The following KIF24 variants were observed in gnomAD, a reference collection of about 807,000 sequenced individuals.
KIF24 encodes kinesin family member 24, also known as kinesin-like protein KIF24.
A neutral mutation model predicts 118.9 loss-of-function variants in KIF24; 81 were observed. The observed-to-expected ratio is 0.68, with a 90% CI of 0.57 to 0.82. The LOEUF is 0.82. Among genes scored for constraint, KIF24 ranks in the 40% least tolerant of loss-of-function variants. KIF24 has a pLI of 0.00. For synonymous variants in KIF24, 599 were observed against 610.0 expected (o/e 0.98, Z 0.27); for missense variants, 1,560 against 1,661.6 (o/e 0.94, Z 1.06).
chr9:34,331,726 GAAGA>G (rs1302813567), upstream of KIF24, among the ~76,000 whole-genome samples: 1 of 152,204 alleles, frequency 6.6e-6, no homozygotes, highest in Admixed American at 6.5e-5. Flanking sequence ...CTTGGGAAAT[GAAGA>G]GATAGGATGA....
chr9:34,297,558 C>G (rs574702856), intron 3 of KIF24, among the ~76,000 whole-genome samples: 1 of 152,032 alleles, frequency 6.6e-6, no homozygotes, highest in South Asian at 2.1e-4. Flanking sequence ...GTCAGGAGAT[C>G]GAGACCATCC....
intron 6 of KIF24, among the ~76,000 whole-genome samples, chr9:34,283,109 G>A (rs1272410624): frequency 1.4e-5 from 2 of 144,106 alleles, no homozygotes; most frequent in Admixed American, 1.4e-4. Flanking sequence ...GCTCATGCCT[G>A]TAATCCCAGC....
chr9:34,281,003 T>C (rs1231549366), intron 6 of KIF24, among the ~76,000 whole-genome samples: 2 of 152,180 alleles, frequency 1.3e-5, no homozygotes, highest in Non-Finnish European at 2.9e-5. Flanking sequence ...TATCAATGTA[T>C]TAATTCATTC....
Position 34,259,674 on chromosome 9 carries a change from T to C in KIF24, c.1547A>G (p.Lys516Arg). Residue 516 changes from lysine (K) to arginine (R), a missense_variant, in exon 10 of 13, where the codon AAA becomes AGA. By Grantham distance (26) the Lys-to-Arg change is conservative. Around this residue, in one of 3 missense-constraint regions of KIF24, gnomAD observed 964 missense variants for 988.0 expected, o/e 0.98. Coordinates refer to ENST00000402558, the MANE Select transcript of KIF24 (RefSeq NM_194313.4). The stretch of plus-strand genomic sequence containing the variant: ...TGAGATGTTGGCGATCATGCAGGTT[T>C]TGGCATTGCCGATGAAAGAGTCCTT... ...VLKDSFIGNAKTCMIANISPS... is the reference protein window; with the variant it reads ...VLKDSFIGNARTCMIANISPS... The C allele has an allele frequency of 6.2e-7, 1 of 1,613,952 alleles. No homozygotes were observed. Among genetic ancestry groups the C allele is most frequent in the Non-Finnish European group, 8.5e-7 (1 of 1,179,846 alleles).
chr9:34,257,574 T>C lies in KIF24; in HGVS notation c.2033A>G (p.Lys678Arg), dbSNP rs780829543. 1.5e-5 allele frequency: 24 copies of C among 1,613,990 alleles called. No homozygotes were observed. Among genetic ancestry groups the C allele is most frequent in the Middle Eastern group, 1.6e-4 (1 of 6,084 alleles). Residue 678 changes from lysine (K) to arginine (R), a missense_variant, in exon 11 of 13, where the codon AAA becomes AGA. By Grantham distance (26) the Lys-to-Arg change is conservative. Coordinates refer to ENST00000402558, the MANE Select transcript of KIF24 (RefSeq NM_194313.4). ...CCTGCTTTCCCACCCAAGGACAGTT[T>C]TGTTGCCCATTCGATTTTTCTCAGA... ...LCSEKNRMGN[K>R]TVLGWESRAS... is the part of the protein sequence containing the mutation.
At chr9:34,272,569 T>C (rs17350261) in intron 6 of KIF24, among the ~76,000 whole-genome samples, 6,234 of 152,210 alleles carry the variant, frequency 0.041, 169 homozygotes, top group Middle Eastern at 0.075. Context: ...TTTAAGAACA[T>C]GCTGCCCTTA....
chr9:34,265,586 G>C (rs1008002024), intron 8 of KIF24, among the ~76,000 whole-genome samples: 1 of 152,132 alleles, frequency 6.6e-6, no homozygotes, highest in Admixed American at 6.5e-5. Context: ...TAAACACACA[G>C]AGAAGAATTA....
chr9:34,293,183 T>A (rs1365698183), intron 4 of KIF24, among the ~76,000 whole-genome samples: 7 of 151,788 alleles, frequency 4.6e-5, no homozygotes, highest in Non-Finnish European at 8.8e-5. Context: ...AAATGGTCAG[T>A]AAGGACATGA....
intron 6 of KIF24, among the ~76,000 whole-genome samples, chr9:34,282,301 T>G (rs1342495577): frequency 6.6e-6 from 1 of 152,188 alleles, no homozygotes; most frequent in Non-Finnish European, 1.5e-5. Flanking sequence ...TGTATAATTC[T>G]GTTTATATGA....
chr9:34,254,363 C>T lies in KIF24; in HGVS notation c.*17G>A, dbSNP rs200498151. 6.2e-6 allele frequency: 10 copies of T among 1,603,874 alleles called. No individual in the cohort carries two copies. Among genetic ancestry groups the T allele is most frequent in the Middle Eastern group, 2.0e-4 (1 of 5,116 alleles). On this transcript the variant is annotated 3_prime_UTR_variant, in exon 13 of 13. Coordinates refer to ENST00000402558, the MANE Select transcript of KIF24 (RefSeq NM_194313.4). ...GACTCCTGCAGGGCCCCCACCATCTCGGCACAGGGTCTGGCTCTAAGACGG... is the reference window on the plus strand; with the variant it reads ...GACTCCTGCAGGGCCCCCACCATCTTGGCACAGGGTCTGGCTCTAAGACGG...
At chr9:34,291,281 T>A (rs968835485) in intron 4 of KIF24, among the ~76,000 whole-genome samples, 1 of 151,920 alleles carries the variant, frequency 6.6e-6, no homozygotes, top group African/African-American at 2.4e-5. Flanking sequence ...CACTGTGGAA[T>A]AGGAATAGCG....
intron 6 of KIF24, among the ~76,000 whole-genome samples, chr9:34,275,023 G>T (rs1835607149): frequency 6.6e-6 from 1 of 152,110 alleles, no homozygotes; most frequent in African/African-American, 2.4e-5. Flanking sequence ...ATGTAGGGGT[G>T]GTTAATAGGT....
chr9:34,304,889 A>G (rs1207158343), intron 3 of KIF24, among the ~76,000 whole-genome samples: 13 of 152,222 alleles, frequency 8.5e-5, no homozygotes, highest in Admixed American at 8.5e-4. Flanking sequence ...TTGCTAGCAT[A>G]CCAGATTTTT....
At chr9:34,260,291 A>G (rs1243578246) in intron 9 of KIF24, among the ~76,000 whole-genome samples, 1 of 152,356 alleles carries the variant, frequency 6.6e-6, no homozygotes, top group East Asian at 1.9e-4. Context: ...TATATATGAT[A>G]TTCATTACAT....
At chr9:34,323,929 CCATGA>C (rs1409378815) in intron 1 of KIF24, among the ~76,000 whole-genome samples, 1 of 152,162 alleles carries the variant, frequency 6.6e-6, no homozygotes, top group Non-Finnish European at 1.5e-5. Flanking sequence ...TTATTCAAAA[CCATGA>C]CATAAATTTG....
At chr9:34,283,296 AG>A (rs1231361327) in intron 6 of KIF24, among the ~76,000 whole-genome samples, 7 of 151,328 alleles carry the variant, frequency 4.6e-5, no homozygotes, top group African/African-American at 1.7e-4. Flanking sequence ...ACCTGAGCCC[AG>A]GGAGACTGAG....
At chr9:34,265,315 C>T (rs1001609377) in intron 8 of KIF24, among the ~76,000 whole-genome samples, 5 of 151,840 alleles carry the variant, frequency 3.3e-5, no homozygotes, top group Non-Finnish European at 4.4e-5. Context: ...GTTACAGGTG[C>T]GCACCACCAC....
intron 1 of KIF24, among the ~76,000 whole-genome samples, chr9:34,313,919 T>C (rs942594227): frequency 8.8e-6 from 1 of 113,658 alleles, no homozygotes; most frequent in African/African-American, 2.6e-5. Context: ...GGCTAATTTT[T>C]ACATTTTTTT....
At chr9:34,313,738 G>GTTTTT (rs5897567) in intron 1 of KIF24, among the ~76,000 whole-genome samples, 3 of 130,360 alleles carry the variant, frequency 2.3e-5, no homozygotes. Flanking sequence ...CCCGTTATCT[G>GTTTTT]TTTTTTTTTT....
Sources: allele counts gnomAD v4.1 joint callset (sites outside exome capture counted in the v4.1 genomes callset), GRCh38; gene constraint gnomAD v4.1.1; regional missense constraint gnomAD v4.1.1; transcripts MANE v1.5; gene names NCBI Gene and HGNC (gene_info 2026-07-23, HGNC 2026-07-21).